Variants in TADA2A observed in about 807,000 individuals in gnomAD.
TADA2A encodes the protein transcriptional adapter 2-alpha.
TADA2A carries 38 observed loss-of-function variants against 67.4 expected under a neutral mutation model. That is an observed-to-expected ratio of 0.56 (90% CI 0.44 to 0.74). The LOEUF (loss-of-function observed/expected upper bound fraction) is 0.74. Ranked by LOEUF, TADA2A falls within the 30% of genes least tolerant of loss-of-function variation. The pLI is 0.00. For missense variants in TADA2A, 454 were observed against 547.0 expected, an observed-to-expected ratio of 0.83 and a Z score of 1.70; for synonymous variants, 192 against 181.6, an observed-to-expected ratio of 1.06 and a Z score of -0.46.
In TADA2A at chr17:37,445,156, G is replaced by A. The variant is rs190139283; in HGVS notation, c.604+388G>A. On this transcript the variant is annotated intron_variant, in intron 8 of 15. Coordinates refer to ENST00000615182, the MANE Select transcript of TADA2A (RefSeq NM_001166105.3). ...AAATGTTCACTATATTTTGTTACCC[G>A]GAATTTCCCCTAGCAAGGAAAAAGA... Among the ~76,000 whole-genome samples the A allele has an allele frequency of 2.0e-4, 30 of 152,202 alleles. No homozygotes were observed. In the East Asian group the frequency reaches 2.5e-3, roughly 13 times the overall value.
intron 11 of TADA2A, among the ~76,000 whole-genome samples, 163 bp from the exon 12 acceptor site, chr17:37,467,291 T>C (rs2053686024): frequency 6.6e-6 from 1 of 152,224 alleles, no homozygotes; most frequent in Non-Finnish European, 1.5e-5. Context: ...CCTCAGCTCT[T>C]GGGTAAAATT....
rs1405933437 is a variant in TADA2A at position 37,419,146 on chromosome 17, A to G, written c.26-4363A>G. ...CAGTTTTATTTTAGTCTGGAATGTT[A>G]AGAACTTACTTTTACAAAGTAATTG... On this transcript the variant is annotated intron_variant, in intron 2 of 15. Transcript: ENST00000615182. 2.7e-5 allele frequency among the ~76,000 whole-genome samples: 4 copies of G among 146,494 alleles called. 1 individual carries two copies. The East Asian group carries it at 8.6e-4, about 31-fold the overall frequency.
At chr17:37,462,747 A>G (rs1053662525) in intron 10 of TADA2A, among the ~76,000 whole-genome samples, 3 of 152,234 alleles carry the variant, frequency 2.0e-5, no homozygotes, top group Non-Finnish European at 4.4e-5. Flanking sequence ...AATATTAATG[A>G]ATAATTTTCT....
At chr17:37,456,679 T>C (rs2062339578) in intron 8 of TADA2A, among the ~76,000 whole-genome samples, 1 of 152,174 alleles carries the variant, frequency 6.6e-6, no homozygotes, top group African/African-American at 2.4e-5. Flanking sequence ...CTGAAGGGCA[T>C]GTGAGTAAAT....
chr17:37,467,899 T>C (rs1221101497), intron 12 of TADA2A, among the ~76,000 whole-genome samples: 4 of 151,986 alleles, frequency 2.6e-5, no homozygotes, highest in Non-Finnish European at 5.9e-5. Flanking sequence ...CTGACCAACA[T>C]GGTGAAACCC....
chr17:37,465,392 C>A (rs1210554022), intron 10 of TADA2A, 39 bp from the exon 11 acceptor site: 4 of 1,474,354 alleles, frequency 2.7e-6, no homozygotes, highest in East Asian at 2.3e-5. Flanking sequence ...GGGATCCTTA[C>A]ATTTCCCATG....
intron 5 of TADA2A, among the ~76,000 whole-genome samples, 190 bp from the exon 6 acceptor site, chr17:37,440,315 G>A (rs1010450731): frequency 9.9e-5 from 15 of 152,020 alleles, no homozygotes; most frequent in African/African-American, 3.6e-4. Context: ...AGCAAGATAT[G>A]GAACACCAGA....
intron 10 of TADA2A, among the ~76,000 whole-genome samples, chr17:37,463,248 A>G (rs2053588317): frequency 6.6e-6 from 1 of 152,126 alleles, no homozygotes; most frequent in Admixed American, 6.6e-5. Context: ...AACAATCACA[A>G]TGTTTGTATT....
rs1475235601 is a variant in TADA2A, at chr17:37,406,928, C to T, written c.-119C>T. ...GCGCGCGACCGGCGGCTCTTTGGCG[C>T]GGATTAGGGGGTCTCGGCGAGGTGA... On this transcript the variant is annotated 5_prime_UTR_variant, in exon 1 of 16. Transcript: ENST00000615182. 1 of 104,710 alleles carries T rather than the reference C, an allele frequency of 9.6e-6. No individual in the cohort carries two copies. Among genetic ancestry groups the T allele is most frequent in the Non-Finnish European group, 1.8e-5 (1 of 54,176 alleles). 6.5% of individuals were successfully genotyped at this position (104,710 alleles called of 1,614,324 possible).
intron 11 of TADA2A, among the ~76,000 whole-genome samples, chr17:37,467,238 T>G (rs2053684398): frequency 6.6e-6 from 1 of 152,242 alleles, no homozygotes; most frequent in South Asian, 2.1e-4. Flanking sequence ...TTCCAGCTGC[T>G]GCATCTGGAG....
At chr17:37,458,704 T>A in intron 9 of TADA2A, 117 bp downstream of exon 9, 1 of 822,264 alleles carries the variant, frequency 1.2e-6, no homozygotes, top group Non-Finnish European at 1.9e-6. Flanking sequence ...AGAGGCAAGG[T>A]CTCACTCTGT....
chr17:37,432,925 ATTTT>A (rs1046006991), intron 4 of TADA2A, among the ~76,000 whole-genome samples: 10 of 52,210 alleles, frequency 1.9e-4, no homozygotes, highest in Admixed American at 2.9e-4. Flanking sequence ...TGGTATTACA[ATTTT>A]TTTTTTTTTT....
chr17:37,437,563 T>C (rs1254332331), intron 4 of TADA2A, among the ~76,000 whole-genome samples, 175 bp from the exon 5 acceptor site: 1 of 151,916 alleles, frequency 6.6e-6, no homozygotes, highest in East Asian at 1.9e-4. Flanking sequence ...ATTTTTGTGT[T>C]TTTAGTAGAG....
chr17:37,442,916 C>T lies in TADA2A; in HGVS notation c.531+264C>T, dbSNP rs537302489. Among the ~76,000 whole-genome samples, 3 of 152,280 alleles carry T rather than the reference C, an allele frequency of 2.0e-5. No individual in the cohort carries two copies. The South Asian group carries it at 6.2e-4, about 32-fold the overall frequency. ...CAGTGGCTTACACCTGTAATCCCAG[C>T]ACTTTGGGAGCTGAGAATGGAGGAT... On this transcript the variant is annotated intron_variant, in intron 7 of 15. Transcript: ENST00000615182.
At chr17:37,443,006 T>TA (rs943536516) in intron 7 of TADA2A, among the ~76,000 whole-genome samples, 1 of 151,972 alleles carries the variant, frequency 6.6e-6, no homozygotes, top group African/African-American at 2.4e-5. Context: ...CTACAAAAAA[T>TA]AAAAAATTAG....
intron 4 of TADA2A, among the ~76,000 whole-genome samples, chr17:37,429,129 TTC>T (rs1208331783): frequency 6.6e-6 from 1 of 151,668 alleles, no homozygotes; most frequent in Non-Finnish European, 1.5e-5. Context: ...CTAGGGGTCT[TTC>T]TGTGTTATTC....
chr17:37,474,544 C>A lies in TADA2A; in HGVS notation c.1073-12C>A, dbSNP rs377163890. 1.9e-6 allele frequency: 3 copies of A among 1,612,502 alleles called. No individual in the cohort carries two copies. Among genetic ancestry groups the A allele is most frequent in the Non-Finnish European group, 2.5e-6 (3 of 1,179,316 alleles). The stretch of plus-strand genomic sequence containing the variant: ...CTATTAAATCTATGCTGTTTCCTTT[C>A]TCTGTCTATAGGTAGACGGAGTGCA... On this transcript the variant is annotated splice_polypyrimidine_tract_variant and intron_variant, in intron 14 of 15. Coordinates refer to ENST00000615182, the MANE Select transcript of TADA2A (RefSeq NM_001166105.3).
chr17:37,477,811 T>C lies in TADA2A; in HGVS notation c.*829T>C, dbSNP rs532644553. 4 of 152,068 alleles carry C rather than the reference T, an allele frequency of 2.6e-5. No homozygotes were observed. Among genetic ancestry groups the C allele is most frequent in the Admixed American group, 1.3e-4 (2 of 15,260 alleles). 9.4% of individuals were successfully genotyped at this position (152,068 alleles called of 1,614,324 possible). A position where few individuals can be genotyped will look rare whatever the true frequency, so the allele number is the denominator to read the frequency against. ...AAAGGGGAAGAAAATATCCTTATGA[T>C]GGTCTTATCCCAAACTGCATCTTTA... On this transcript the variant is annotated 3_prime_UTR_variant, in exon 16 of 16. Transcript: ENST00000615182.
At chr17:37,468,077 G>A (rs1365192772) in intron 12 of TADA2A, among the ~76,000 whole-genome samples, 2 of 140,994 alleles carry the variant, frequency 1.4e-5, no homozygotes, top group Non-Finnish European at 3.1e-5. Context: ...GGGAGATTCT[G>A]TTTCAAAAAA....
Sources: gnomAD v4.1 joint callset for allele counts (sites outside exome capture counted in the v4.1 genomes callset) on GRCh38, gnomAD v4.1.1 for gene constraint, MANE v1.5 for transcripts, NCBI Gene and HGNC (gene_info 2026-07-23, HGNC 2026-07-21) for gene names.